TRHDE: variants seen among roughly 807,000 people sequenced by gnomAD.
TRHDE encodes thyrotropin releasing hormone degrading enzyme.
TRHDE carries 72 observed loss-of-function variants against 125.7 expected under a neutral mutation model. The observed-to-expected ratio is 0.57, with a 90% confidence interval of 0.47 to 0.70. The LOEUF (loss-of-function observed/expected upper bound fraction) is 0.70, where lower values mean the gene tolerates loss of function less well. Among genes scored for constraint, TRHDE ranks in the 30% least tolerant of loss-of-function variants. The pLI is 0.00. For missense variants in TRHDE, 1,110 were observed against 1,327.1 expected (o/e 0.84, Z 2.54); for synonymous variants, 509 against 509.1 (o/e 1.00, Z 0.00).
chr12:72,196,677 C>T (rs1877449481), intron 2 of TRHDE, among the ~76,000 whole-genome samples: 1 of 152,016 alleles, frequency 6.6e-6, no homozygotes, highest in Admixed American at 6.6e-5. Flanking sequence ...TCCTTTCTTC[C>T]TATTATTTTG....
At chr12:72,265,970 C>T (rs1879058900) in intron 2 of TRHDE, among the ~76,000 whole-genome samples, 1 of 152,004 alleles carries the variant, frequency 6.6e-6, no homozygotes, top group African/African-American at 2.4e-5. Flanking sequence ...TCCAATGTCT[C>T]TTCATCAGCC....
intron 6 of TRHDE, among the ~76,000 whole-genome samples, chr12:72,512,679 G>T (rs1005359408): frequency 1.4e-5 from 2 of 143,850 alleles, no homozygotes; most frequent in Non-Finnish European, 3.0e-5. Flanking sequence ...TGGTAATATA[G>T]ATTTTTTATA....
intron 6 of TRHDE, among the ~76,000 whole-genome samples, chr12:72,527,189 G>C (rs528130529): frequency 7.9e-5 from 12 of 152,204 alleles, no homozygotes; most frequent in African/African-American, 2.9e-4. Flanking sequence ...CAAAATACTG[G>C]GTTTTGCAGA....
chr12:72,330,944 C>T (rs1869565310), intron 2 of TRHDE, among the ~76,000 whole-genome samples: 1 of 152,068 alleles, frequency 6.6e-6, no homozygotes, highest in Non-Finnish European at 1.5e-5. Flanking sequence ...TGGGGTGGAG[C>T]GTGAGAATAT....
Position 72,462,984 on chromosome 12 carries a change from T to C in TRHDE, c.1316-6774T>C, listed in dbSNP as rs529730582. Among the ~76,000 whole-genome samples the C allele has an allele frequency of 1.0e-3, 155 of 152,330 alleles. 1 individual carries two copies. The highest frequency in any genetic ancestry group is 4.6e-4 in the Non-Finnish European group (31 of 68,032). Reference sequence around the variant, plus strand: ...ATGCCTAATTCAAAGAAGTACCTTATGTGTACAAGGAAAACCAGAAAGAAC... The same window carrying C: ...ATGCCTAATTCAAAGAAGTACCTTACGTGTACAAGGAAAACCAGAAAGAAC... On this transcript the variant is annotated intron_variant, in intron 3 of 18. Transcript: ENST00000261180.
intron 2 of TRHDE, among the ~76,000 whole-genome samples, chr12:72,112,267 T>A (rs533035774): frequency 6.6e-6 from 1 of 152,190 alleles, no homozygotes; most frequent in South Asian, 2.1e-4. Flanking sequence ...TGCCACTTCA[T>A]TGAATTAGCG....
chr12:72,147,130 T>C (rs1876247189), intron 2 of TRHDE, among the ~76,000 whole-genome samples: 1 of 151,180 alleles, frequency 6.6e-6, no homozygotes, highest in Non-Finnish European at 1.5e-5. Flanking sequence ...AAATAGGGGG[T>C]GTGGTGGACC....
chr12:72,640,366 C>T (rs10879472), intron 15 of TRHDE, among the ~76,000 whole-genome samples: 80,833 of 152,168 alleles, frequency 0.53, 25,610 homozygotes, highest in Non-Finnish European at 0.7. Flanking sequence ...CTTTGGCTCG[C>T]GCACGGTGCG....
chr12:72,510,281 A>C (rs140371802), intron 6 of TRHDE, among the ~76,000 whole-genome samples: 4 of 152,194 alleles, frequency 2.6e-5, no homozygotes, highest in Non-Finnish European at 5.9e-5. Flanking sequence ...TACTCTTTAG[A>C]TATTCTACAG....
Position 72,621,137 on chromosome 12 carries a change from A to G in TRHDE, c.2499A>G (p.Thr833=), listed in dbSNP as rs7139238. The G allele has an allele frequency of 0.088, 141,817 of 1,609,280 alleles. 15,025 individuals carry two copies. Among genetic ancestry groups the G allele is most frequent in the African/African-American group, 0.53 (39,732 of 74,504 alleles). Residue 833 remains threonine (T), a synonymous_variant, in exon 14 of 19, where the codon ACA becomes ACG. Coordinates refer to ENST00000261180, the MANE Select transcript of TRHDE (RefSeq NM_013381.3). ...NEYILKQVAT[T]YIKLGWPKNN... ...ATATTTTAAAGCAAGTTGCAACAAC[A>G]TATATCAAGCTTGGGTGGCCGAAAA...
intron 7 of TRHDE, among the ~76,000 whole-genome samples, chr12:72,544,405 A>C (rs1565784809): frequency 6.6e-6 from 1 of 151,546 alleles, no homozygotes; most frequent in Non-Finnish European, 1.5e-5. Context: ...GTCAGCACTT[A>C]TCTCTGCTGG....
chr12:72,354,120 G>A (rs1340867961), intron 2 of TRHDE, among the ~76,000 whole-genome samples: 1 of 151,708 alleles, frequency 6.6e-6, no homozygotes, highest in East Asian at 1.9e-4. Flanking sequence ...GATTTTACAT[G>A]TAGAAATGTG....
chr12:72,494,052 T>C (rs1877800959), intron 5 of TRHDE, among the ~76,000 whole-genome samples: 1 of 152,058 alleles, frequency 6.6e-6, no homozygotes, highest in South Asian at 2.1e-4. Flanking sequence ...GAACCAGGCA[T>C]ACCATCTGAG....
At chr12:72,088,299 T>C (rs1247832474) in intron 1 of TRHDE, among the ~76,000 whole-genome samples, 2 of 152,108 alleles carry the variant, frequency 1.3e-5, no homozygotes, top group East Asian at 3.9e-4. Context: ...GAGAATCTAA[T>C]GTACCTTGAA....
At chr12:72,393,632 T>A (rs1367503551) in intron 3 of TRHDE, among the ~76,000 whole-genome samples, 1 of 152,288 alleles carries the variant, frequency 6.6e-6, no homozygotes, top group Middle Eastern at 3.4e-3. Context: ...ACTGAAGATA[T>A]GAGATGAAGA....
intron 3 of TRHDE, among the ~76,000 whole-genome samples, chr12:72,451,299 G>A (rs1241732293): frequency 6.6e-6 from 1 of 152,086 alleles, no homozygotes; most frequent in Non-Finnish European, 1.5e-5. Flanking sequence ...ATTGACTTGT[G>A]TATATGGTAT....
At chr12:72,579,279 G>T (rs546099562) in intron 12 of TRHDE, among the ~76,000 whole-genome samples, 1 of 151,998 alleles carries the variant, frequency 6.6e-6, no homozygotes, top group East Asian at 1.9e-4. Flanking sequence ...GCATTATAAT[G>T]AATGGTATAT....
At chr12:72,310,605 A>G (rs1465800958) in intron 2 of TRHDE, among the ~76,000 whole-genome samples, 1 of 152,242 alleles carries the variant, frequency 6.6e-6, no homozygotes, top group African/African-American at 2.4e-5. Flanking sequence ...GGAATTGGAA[A>G]TGTTTTGTCA....
At chr12:72,236,639 G>C (rs1053762408) in intron 2 of TRHDE, among the ~76,000 whole-genome samples, 1 of 151,778 alleles carries the variant, frequency 6.6e-6, no homozygotes, top group Non-Finnish European at 1.5e-5. Context: ...TCTAAACAAA[G>C]ATAAAATCTG....
Sources: allele counts gnomAD v4.1 joint callset (sites outside exome capture counted in the v4.1 genomes callset), GRCh38; gene constraint gnomAD v4.1.1; transcripts MANE v1.5; gene names NCBI Gene and HGNC (gene_info 2026-07-23, HGNC 2026-07-21).